The following RBPJ variants were observed in gnomAD, a reference collection of about 807,000 sequenced individuals.
RBPJ encodes the protein recombining binding protein suppressor of hairless.
Under a neutral mutation model 67.8 loss-of-function variants are expected in RBPJ, and 9 were observed. That is an observed-to-expected ratio of 0.13 (90% confidence interval 0.08 to 0.23). The LOEUF (loss-of-function observed/expected upper bound fraction) is 0.23. RBPJ is among the 10% of genes least tolerant of loss of function. The pLI, the probability that RBPJ is intolerant of heterozygous loss-of-function variation, is 1.00. For missense variants in RBPJ, 305 were observed against 595.6 expected, an observed-to-expected ratio of 0.51 and a Z score of 5.08; for synonymous variants, 198 against 203.3, an observed-to-expected ratio of 0.97 and a Z score of 0.22.
chr4:26,275,906 G>A (rs28571067), intron 1 of RBPJ, among the ~76,000 whole-genome samples: 3,066 of 151,806 alleles, frequency 0.02, 84 homozygotes, highest in African/African-American at 0.07. Context: ...GATTACAGGC[G>A]TGAGCCACCG....
intron 1 of RBPJ, among the ~76,000 whole-genome samples, chr4:26,266,855 A>T (rs1196911439): frequency 6.6e-6 from 1 of 152,204 alleles, no homozygotes; most frequent in Non-Finnish European, 1.5e-5. Flanking sequence ...AAACACCACA[A>T]TTCCCAGGCA....
At chr4:26,402,325 G>C (rs1732917425) in intron 2 of RBPJ, among the ~76,000 whole-genome samples, 1 of 152,102 alleles carries the variant, frequency 6.6e-6, no homozygotes, top group Non-Finnish European at 1.5e-5. Context: ...CCCTCCCTTG[G>C]AATGTTAGTG....
intron 2 of RBPJ, among the ~76,000 whole-genome samples, chr4:26,401,178 C>T (rs1732755235): frequency 1.3e-5 from 2 of 152,200 alleles, no homozygotes; most frequent in African/African-American, 4.8e-5. Context: ...TGTCCCCCTG[C>T]CCCCACCACC....
chr4:26,128,521 A>G, the RBPJ span, among the ~76,000 whole-genome samples: 1 of 152,264 alleles, frequency 6.6e-6, no homozygotes. Flanking sequence ...ACATTAAGAA[A>G]TAGAGGAACA....
intron 3 of RBPJ, among the ~76,000 whole-genome samples, chr4:26,409,759 A>G (rs1350561913): frequency 6.6e-6 from 1 of 152,008 alleles, no homozygotes; most frequent in Non-Finnish European, 1.5e-5. Context: ...CTGCCTCCCA[A>G]AGTGCTGGGA....
At chr4:26,316,655 G>GATATATATATACACATATTT (rs1560258695), upstream of RBPJ, among the ~76,000 whole-genome samples, 7 of 110,278 alleles carry the variant, frequency 6.3e-5, no homozygotes, top group East Asian at 2.6e-4. Context: ...TACACATATT[G>GATATATATATACACATATTT]ATATATATAT....
chr4:26,420,704 C>A lies in RBPJ; in HGVS notation c.475C>A (p.Gln159Lys). The A allele has an allele frequency of 6.2e-7, 1 of 1,611,620 alleles. No individual in the cohort carries two copies. The change falls in exon 5 of 11, where the codon CAG becomes AAG. Residue 159 changes from glutamine to lysine, a missense_variant. Coordinates refer to ENST00000355476, the MANE Select transcript of RBPJ (RefSeq NM_015874.6). ...KVISKPSKKK[Q>K]SLKNADLCIA... Reference sequence around the variant, plus strand: ...CATCTCCAAACCTTCCAAAAAGAAGCAGTCATTGAAAAATGCTGACTGTAT... The same window carrying A: ...CATCTCCAAACCTTCCAAAAAGAAGAAGTCATTGAAAAATGCTGACTGTAT...
intron 1 of RBPJ, among the ~76,000 whole-genome samples, chr4:26,254,294 C>T (rs1190066728): frequency 1.3e-5 from 2 of 149,114 alleles, no homozygotes; most frequent in Non-Finnish European, 2.9e-5. Flanking sequence ...TACAGCCCTA[C>T]TTAGTCGAGC....
upstream of RBPJ, among the ~76,000 whole-genome samples, chr4:26,316,426 T>G (rs1722619409): frequency 6.9e-6 from 1 of 144,914 alleles, no homozygotes; most frequent in African/African-American, 2.6e-5. Flanking sequence ...CATATATACA[T>G]TCATATATAC....
At chr4:26,348,845 C>T (rs1399740862) in intron 1 of RBPJ, among the ~76,000 whole-genome samples, 1 of 151,130 alleles carries the variant, frequency 6.6e-6, no homozygotes, top group Non-Finnish European at 1.5e-5. Context: ...ATAGGAGTTA[C>T]AGGCATGTGA....
intron 1 of RBPJ, among the ~76,000 whole-genome samples, chr4:26,331,192 C>G (rs1341738064): frequency 6.6e-6 from 1 of 152,120 alleles, no homozygotes; most frequent in Non-Finnish European, 1.5e-5. Context: ...CCTCAATCTC[C>G]CGAGCTCGTA....
At chr4:26,382,197 TA>T in intron 1 of RBPJ, among the ~76,000 whole-genome samples, 1 of 152,180 alleles carries the variant, frequency 6.6e-6, no homozygotes, top group Admixed American at 6.5e-5. Context: ...CAAATAAAGA[TA>T]AAAAATGTGT....
chr4:26,396,164 G>A (rs972014974), intron 2 of RBPJ, among the ~76,000 whole-genome samples: 1 of 152,180 alleles, frequency 6.6e-6, no homozygotes, highest in African/African-American at 2.4e-5. Flanking sequence ...GTAGGTAAAT[G>A]TAAAATGAAT....
At chr4:26,426,410 C>G (rs983858306) in intron 7 of RBPJ, among the ~76,000 whole-genome samples, 16 of 152,116 alleles carry the variant, frequency 1.1e-4, no homozygotes, top group African/African-American at 3.1e-4. Context: ...TTTTTACACT[C>G]AAAACTGTAT....
At chr4:26,273,739 G>T (rs1367041217) in intron 1 of RBPJ, among the ~76,000 whole-genome samples, 1 of 152,180 alleles carries the variant, frequency 6.6e-6, no homozygotes, top group Non-Finnish European at 1.5e-5. Flanking sequence ...TGGGGAAGTG[G>T]GAGGTCTGTT....
At chr4:26,329,118 C>T (rs1468158754) in intron 1 of RBPJ, among the ~76,000 whole-genome samples, 4 of 152,220 alleles carry the variant, frequency 2.6e-5, no homozygotes, top group South Asian at 4.1e-4. Flanking sequence ...TTCAGCCTCC[C>T]GAGTAGTTGG....
intron 1 of RBPJ, among the ~76,000 whole-genome samples, chr4:26,377,598 T>C (rs1004316774): frequency 1.3e-5 from 2 of 152,264 alleles, no homozygotes. Flanking sequence ...TTGGAACCTC[T>C]TTAAAGTTTC....
intron 1 of RBPJ, among the ~76,000 whole-genome samples, chr4:26,166,492 G>GT (rs1400094082): frequency 1.5e-5 from 2 of 137,168 alleles, no homozygotes; most frequent in African/African-American, 5.5e-5. Context: ...TTTTTCATGT[G>GT]TTTTTTGGCT....
At chr4:26,328,269 C>T (rs1723860992) in intron 1 of RBPJ, among the ~76,000 whole-genome samples, 1 of 152,058 alleles carries the variant, frequency 6.6e-6, no homozygotes, top group South Asian at 2.1e-4. Context: ...TATAACCATG[C>T]TTTAGTGGCT....
Sources: gnomAD v4.1 joint callset for allele counts (sites outside exome capture counted in the v4.1 genomes callset) on GRCh38, gnomAD v4.1.1 for gene constraint, MANE v1.5 for transcripts, NCBI Gene and HGNC (gene_info 2026-07-23, HGNC 2026-07-21) for gene names.